KLF12: variants seen among roughly 807,000 people sequenced by gnomAD.
KLF12 encodes the protein Krueppel-like factor 12.
A neutral mutation model predicts 37.8 loss-of-function variants in KLF12; 9 were observed. The observed-to-expected ratio is 0.24, with a 90% CI of 0.14 to 0.42. The LOEUF (loss-of-function observed/expected upper bound fraction) is 0.42, where lower values mean the gene tolerates loss of function less well. KLF12 is among the 10% of genes least tolerant of loss of function. The pLI, the probability that KLF12 is intolerant of heterozygous loss-of-function variation, is 1.00. For synonymous variants in KLF12, 208 were observed against 202.1 expected (o/e 1.03, Z -0.25); for missense variants, 411 against 516.0 (o/e 0.80, Z 1.97).
At chr13:74,123,479 T>C (rs955606041) in intron 1 of KLF12, among the ~76,000 whole-genome samples, 2 of 152,236 alleles carry the variant, frequency 1.3e-5, no homozygotes, top group African/African-American at 4.8e-5. Context: ...TCTGCCTACA[T>C]TGTAGGACAA....
chr13:74,118,240 C>T (rs1877427521), intron 1 of KLF12, among the ~76,000 whole-genome samples: 1 of 152,092 alleles, frequency 6.6e-6, no homozygotes, highest in Admixed American at 6.5e-5. Flanking sequence ...AAGGTTAAGT[C>T]TGGGTGCATG....
At chr13:74,081,052 G>C (rs1318315174) in intron 1 of KLF12, among the ~76,000 whole-genome samples, 2 of 152,144 alleles carry the variant, frequency 1.3e-5, no homozygotes, top group African/African-American at 2.4e-5. Flanking sequence ...GAAAGCCTCT[G>C]GTACGAAATG....
intron 3 of KLF12, among the ~76,000 whole-genome samples, chr13:73,850,355 C>T (rs1162574743): frequency 6.6e-6 from 1 of 151,998 alleles, no homozygotes; most frequent in Non-Finnish European, 1.5e-5. Context: ...AATGTAATTT[C>T]AGCTTTAGGC....
chr13:74,017,258 TAAAAAAAAAAAAAAAA>T (rs56321692), intron 1 of KLF12, among the ~76,000 whole-genome samples: 7 of 45,610 alleles, frequency 1.5e-4, no homozygotes, highest in South Asian at 3.0e-3. Flanking sequence ...GCCCTCAACC[TAAAAAAAAAAAAAAAA>T]AAAAAAAAAA....
chr13:74,242,286 T>G, the KLF12 span, among the ~76,000 whole-genome samples: 31,136 of 152,164 alleles, frequency 0.2, 5,173 homozygotes, highest in African/African-American at 0.46. Context: ...ATCTGTGACC[T>G]ATTAATTCAT....
intron 3 of KLF12, among the ~76,000 whole-genome samples, chr13:73,868,330 G>C (rs1317711781): frequency 7.6e-6 from 1 of 131,754 alleles, no homozygotes; most frequent in African/African-American, 2.9e-5. Context: ...GGGGCGGTGG[G>C]GGGGGGGGGT....
the KLF12 span, among the ~76,000 whole-genome samples, chr13:74,287,349 TGAGAGAGAGAGAGAGA>T: frequency 8.3e-5 from 6 of 71,866 alleles, no homozygotes; most frequent in African/African-American, 1.2e-4. Context: ...CTATCAAAGT[TGAGAGAGAGAGAGAGA>T]GAGAGAGAGA....
At position 73,735,368 on chromosome 13, in the gene KLF12, T is replaced by C. The variant is rs369238239; in HGVS notation, c.870-19843A>G. Among the ~76,000 whole-genome samples, 22 of 152,268 alleles carry C rather than the reference T, an allele frequency of 1.4e-4. 3 individuals carry two copies. Among genetic ancestry groups the C allele is most frequent in the Admixed American group, 5.9e-4 (9 of 15,290 alleles). Reference sequence around the variant, plus strand: ...TTATCTACATGTAATTTAAAAGATATCATTCAATACAATGGACAACAAAAG... The same window carrying C: ...TTATCTACATGTAATTTAAAAGATACCATTCAATACAATGGACAACAAAAG... On this transcript the variant is annotated intron_variant, in intron 6 of 7. Transcript: ENST00000377669.
chr13:73,743,116 C>A (rs1878120210), intron 6 of KLF12, among the ~76,000 whole-genome samples: 1 of 152,032 alleles, frequency 6.6e-6, no homozygotes, highest in African/African-American at 2.4e-5. Context: ...CCACTTAAAG[C>A]AAGAGTTGCC....
chr13:74,288,448 T>C, the KLF12 span, among the ~76,000 whole-genome samples: 4 of 152,104 alleles, frequency 2.6e-5, no homozygotes, highest in Non-Finnish European at 5.9e-5. Context: ...TGAAAGTCAT[T>C]TTCCAAAACT....
chr13:73,715,042 G>C (rs542603884), intron 7 of KLF12, among the ~76,000 whole-genome samples: 31 of 152,236 alleles, frequency 2.0e-4, no homozygotes, highest in African/African-American at 7.2e-4. Flanking sequence ...CTTTAAGAGA[G>C]AGAATAATTG....
the KLF12 span, among the ~76,000 whole-genome samples, chr13:74,152,906 AATAATAATAAT>A: frequency 6.8e-6 from 1 of 147,570 alleles, no homozygotes. Context: ...TAATAATAAT[AATAATAATAAT>A]AATAATAATA....
intron 1 of KLF12, among the ~76,000 whole-genome samples, chr13:74,005,387 C>T (rs9592964): frequency 0.014 from 2,148 of 152,012 alleles, 39 homozygotes; most frequent in East Asian, 0.062. Flanking sequence ...AATAAATATC[C>T]CTGCCTATCA....
At chr13:74,123,249 T>G (rs1046293996) in intron 1 of KLF12, among the ~76,000 whole-genome samples, 9 of 152,100 alleles carry the variant, frequency 5.9e-5, no homozygotes, top group Admixed American at 1.3e-4. Context: ...ATTAAAAAAA[T>G]GTGCAAAAAG....
chr13:73,857,272 GT>G (rs1438557138), intron 3 of KLF12, among the ~76,000 whole-genome samples: 1 of 152,162 alleles, frequency 6.6e-6, no homozygotes, highest in Non-Finnish European at 1.5e-5. Context: ...AAATAGCACT[GT>G]ATCTACAGCA....
At chr13:73,837,995 A>C (rs561441839) in intron 4 of KLF12, among the ~76,000 whole-genome samples, 155 of 152,190 alleles carry the variant, frequency 1.0e-3, no homozygotes, top group Non-Finnish European at 9.1e-4. Flanking sequence ...ACATGAACGA[A>C]ATCTCTAGCA....
intron 2 of KLF12, among the ~76,000 whole-genome samples, chr13:73,959,097 G>GAAGTT (rs1890937659): frequency 1.0e-5 from 1 of 95,270 alleles, no homozygotes; most frequent in Non-Finnish European, 2.1e-5. Flanking sequence ...ACCAAGTTCA[G>GAAGTT]CATCTCTGAC....
At chr13:73,814,256 C>T (rs540703196) in intron 4 of KLF12, among the ~76,000 whole-genome samples, 108 of 152,216 alleles carry the variant, frequency 7.1e-4, no homozygotes, top group African/African-American at 2.4e-3. Context: ...CCACTGCTTG[C>T]GGGGGAAGGC....
chr13:74,121,842 G>C (rs2138982726), intron 1 of KLF12, among the ~76,000 whole-genome samples: 1 of 152,046 alleles, frequency 6.6e-6, no homozygotes, highest in East Asian at 1.9e-4. Context: ...AACATTACAT[G>C]ACAAATGTGA....
Sources: gnomAD v4.1 joint callset for allele counts (sites outside exome capture counted in the v4.1 genomes callset) on GRCh38, gnomAD v4.1.1 for gene constraint, MANE v1.5 for transcripts, NCBI Gene and HGNC (gene_info 2026-07-23, HGNC 2026-07-21) for gene names.